The following CDK11B variants were observed in gnomAD, a reference collection of about 807,000 sequenced individuals.
CDK11B encodes the protein cyclin dependent kinase 11B.
CDK11B carries 37 observed loss-of-function variants against 84.0 expected under a neutral mutation model. The observed-to-expected ratio is 0.44, with a 90% CI of 0.34 to 0.58. CDK11B has a LOEUF of 0.58. Among genes scored for constraint, CDK11B ranks in the 20% least tolerant of loss-of-function variants. The pLI, the probability that CDK11B is intolerant of heterozygous loss-of-function variation, is 0.02. For synonymous variants in CDK11B, 269 were observed against 309.8 expected (o/e 0.87, Z 1.38); for missense variants, 427 against 834.0 (o/e 0.51, Z 6.01).
chr1:1,637,672 G>A (rs1332804329), intron 13 of CDK11B, 90 bp downstream of exon 13: 7 of 1,611,704 alleles, frequency 4.3e-6, no homozygotes, highest in African/African-American at 4.0e-5. Flanking sequence ...AAGTGCAGGA[G>A]AGTGTAGGAA....
Position 1,650,453 on chromosome 1 carries a change from C to T in CDK11B, c.356-816G>A, listed in dbSNP as rs1476036864. 3.0e-3 allele frequency among the ~76,000 whole-genome samples: 441 copies of T among 148,088 alleles called. 4 individuals carry two copies. The highest frequency in any genetic ancestry group is 0.01 in the African/African-American group (417 of 40,064). ...CAATCTCGGCTCACTGCAAGCTCCG[C>T]CTCCCGTGTTCACACCATTCTCCTG... On this transcript the variant is annotated intron_variant, in intron 4 of 19. Transcript: ENST00000341832.
At position 1,641,420 on chromosome 1, in the gene CDK11B, G is replaced by A. The variant is rs1430071607; in HGVS notation, c.1009+242C>T. 1.2e-4 allele frequency among the ~76,000 whole-genome samples: 18 copies of A among 147,726 alleles called. 2 individuals carry two copies. The highest frequency in any genetic ancestry group is 3.4e-4 in the Admixed American group (5 of 14,866). On this transcript the variant is annotated intron_variant, in intron 9 of 19. Transcript: ENST00000341832. The stretch of plus-strand genomic sequence containing the variant: ...GCTACTTGGGAGGCTGAGGCGGGAG[G>A]ATCACTTGAACCCGGGAGGCAGAGG...
intron 11 of CDK11B, among the ~76,000 whole-genome samples, chr1:1,639,507 C>G (rs1639926214): frequency 6.6e-6 from 1 of 151,940 alleles, no homozygotes; most frequent in Non-Finnish European, 1.5e-5. Context: ...CCCTACCTGC[C>G]AGGCGCAGCA....
At chr1:1,654,143 G>A (rs7531938) in intron 3 of CDK11B, 144,916 of 464,852 alleles carry the variant, frequency 0.31, 24,339 homozygotes, top group African/African-American at 0.49. Flanking sequence ...CCATTATACC[G>A]TAATTTCTGG....
chr1:1,653,387 C>A (rs979328800), intron 3 of CDK11B, among the ~76,000 whole-genome samples: 23 of 152,052 alleles, frequency 1.5e-4, no homozygotes, highest in African/African-American at 5.6e-4. Flanking sequence ...GAGGCACAAT[C>A]TTGGCTCATT....
chr1:1,648,183 C>A (rs980712289), intron 5 of CDK11B, among the ~76,000 whole-genome samples: 1 of 152,250 alleles, frequency 6.6e-6, no homozygotes, highest in African/African-American at 2.4e-5. Flanking sequence ...CAGAAGTCTG[C>A]CCCCAACAAT....
intron 5 of CDK11B, chr1:1,646,442 G>A (rs1268762194): frequency 1.9e-6 from 1 of 519,896 alleles, no homozygotes; most frequent in East Asian, 5.4e-5. Context: ...ATATAAAACT[G>A]TTGTAACACA....
At chr1:1,641,452 TGA>T (rs1640289442) in intron 9 of CDK11B, among the ~76,000 whole-genome samples, 1 of 146,496 alleles carries the variant, frequency 6.8e-6, no homozygotes, top group African/African-American at 2.5e-5. Flanking sequence ...GAGGTTGCAG[TGA>T]GCCGAGATCA....
intron 5 of CDK11B, among the ~76,000 whole-genome samples, chr1:1,648,701 T>C (rs927465065): frequency 4.6e-5 from 7 of 152,190 alleles, no homozygotes; most frequent in Non-Finnish European, 8.8e-5. Flanking sequence ...GGAACGAATA[T>C]ATAAACTAAT....
intron 4 of CDK11B, among the ~76,000 whole-genome samples, chr1:1,650,268 C>CAAAAAAAAAAAAAAAAAAAA (rs1212256890): frequency 0.011 from 523 of 45,614 alleles, 21 homozygotes; most frequent in Non-Finnish European, 0.016. Flanking sequence ...GACTCCGTCC[C>CAAAAAAAAAAAAAAAAAAAA]AAAAAAAAAA....
At chr1:1,639,444 T>C (rs1270519991) in intron 11 of CDK11B, among the ~76,000 whole-genome samples, 1 of 151,624 alleles carries the variant, frequency 6.6e-6, no homozygotes, top group East Asian at 1.9e-4. Flanking sequence ...CAAGAGTCTC[T>C]TTGTCAAACT....
chr1:1,648,072 G>A (rs750255281), intron 5 of CDK11B, among the ~76,000 whole-genome samples: 24 of 152,256 alleles, frequency 1.6e-4, no homozygotes, highest in Non-Finnish European at 3.2e-4. Context: ...GTCTCCCTAC[G>A]TTGCCCAGGC....
intron 4 of CDK11B, among the ~76,000 whole-genome samples, chr1:1,650,218 T>A (rs1353425325): frequency 8.1e-6 from 1 of 123,344 alleles, no homozygotes; most frequent in Admixed American, 9.2e-5. Context: ...TGCAGTGAGC[T>A]GAGATTGCGC....
chr1:1,653,479 C>A (rs1358492601), intron 3 of CDK11B, among the ~76,000 whole-genome samples: 1 of 151,826 alleles, frequency 6.6e-6, no homozygotes, highest in East Asian at 2.0e-4. Context: ...CACTACCATG[C>A]CAGGCTAATT....
At chr1:1,653,829 C>CACACAT (rs1305734210) in intron 3 of CDK11B, among the ~76,000 whole-genome samples, 1 of 136,326 alleles carries the variant, frequency 7.3e-6, no homozygotes, top group African/African-American at 3.1e-5. Flanking sequence ...TAAAAATACA[C>CACACAT]ACACACACAC....
Position 1,641,261 on chromosome 1 carries a change from C to A in CDK11B, c.1010-148G>T. ...CGGTGGCTCACGCCTGTAATCCCAGCGCTTTGGGAGGCCAAGGCGGGTGGA... is the reference window on the plus strand; with the variant it reads ...CGGTGGCTCACGCCTGTAATCCCAGAGCTTTGGGAGGCCAAGGCGGGTGGA... On this transcript the variant is annotated intron_variant, in intron 9 of 19. Transcript: ENST00000341832. The A allele has an allele frequency of 3.2e-6, 4 of 1,251,930 alleles. 1 individual carries two copies. Among genetic ancestry groups the A allele is most frequent in the East Asian group, 2.5e-5 (1 of 39,300 alleles). The allele number at this position is 1,251,930 out of a possible 1,614,324, so 77.6% of individuals were successfully genotyped here.
At chr1:1,650,047 G>T (rs1330682505) in intron 4 of CDK11B, among the ~76,000 whole-genome samples, 3 of 150,814 alleles carry the variant, frequency 2.0e-5, no homozygotes, top group Admixed American at 6.6e-5. Flanking sequence ...GCCGAGGTGG[G>T]CGGATCACAA....
intron 4 of CDK11B, among the ~76,000 whole-genome samples, chr1:1,650,814 T>C (rs1368248101): frequency 6.6e-6 from 1 of 151,452 alleles, no homozygotes; most frequent in Non-Finnish European, 1.5e-5. Context: ...GATTTTATGT[T>C]AAATAAAAAA....
chr1:1,647,712 T>G (rs988907393), intron 5 of CDK11B, among the ~76,000 whole-genome samples: 8 of 152,266 alleles, frequency 5.3e-5, no homozygotes, highest in African/African-American at 1.7e-4. Context: ...CAGTCTCTGC[T>G]GCACGTCTTT....
Sources: gnomAD v4.1 joint callset for allele counts (sites outside exome capture counted in the v4.1 genomes callset) on GRCh38, gnomAD v4.1.1 for gene constraint, MANE v1.5 for transcripts, NCBI Gene and HGNC (gene_info 2026-07-23, HGNC 2026-07-21) for gene names.